CMIP: variants seen among roughly 807,000 people sequenced by gnomAD.
The protein encoded by CMIP is c-Maf inducing protein.
A neutral mutation model predicts 97.3 loss-of-function variants in CMIP; 13 were observed. That is an observed-to-expected ratio of 0.13 (90% CI 0.09 to 0.21). CMIP has a LOEUF of 0.21. Among genes scored for constraint, CMIP ranks in the 10% least tolerant of loss-of-function variants. The probability of loss-of-function intolerance (pLI) is 1.00; values close to 1 mark genes in which losing one functional copy is unlikely to be tolerated. For missense variants in CMIP, 847 were observed against 1,024.9 expected (o/e 0.83, Z 2.37); for synonymous variants, 538 against 436.3 (o/e 1.23, Z -2.91).
At chr16:81,703,823 C>G in intron 17 of CMIP, 116 bp from the exon 18 acceptor site, 2 of 1,384,946 alleles carry the variant, frequency 1.4e-6, no homozygotes, top group Non-Finnish European at 1.9e-6. Flanking sequence ...ATTTACCGCC[C>G]CCCAGGAACA....
rs757336182 is a variant in CMIP, at chr16:81,693,203, C to G, written c.1481+19C>G. ...TCACCAAGTGAGTGTCTGGGCACCG[C>G]CCTCATTCCATTCTGGCACGCACGG... On this transcript the variant is annotated intron_variant, in intron 12 of 20. Transcript: ENST00000537098. The G allele has an allele frequency of 1.9e-6, 3 of 1,608,890 alleles. No homozygotes were observed.
At chr16:81,508,595 A>C (rs2089753398) in intron 1 of CMIP, among the ~76,000 whole-genome samples, 1 of 152,232 alleles carries the variant, frequency 6.6e-6, no homozygotes. Context: ...ACAAATGCAA[A>C]AATGTCTCTG....
At chr16:81,505,025 G>T (rs145372242) in intron 1 of CMIP, among the ~76,000 whole-genome samples, 33 of 152,378 alleles carry the variant, frequency 2.2e-4, no homozygotes, top group Non-Finnish European at 4.7e-4. Context: ...GGGCAGCGCA[G>T]CTGCTCAACA....
At chr16:81,660,747 TTAA>T (rs1365278075) in intron 5 of CMIP, 134 bp from the exon 6 acceptor site, 3 of 936,070 alleles carry the variant, frequency 3.2e-6, no homozygotes. Flanking sequence ...TTTTCTGCTT[TTAA>T]TATGAATGAT....
At chr16:81,592,386 G>A (rs1192764167) in intron 1 of CMIP, among the ~76,000 whole-genome samples, 3 of 152,226 alleles carry the variant, frequency 2.0e-5, no homozygotes, top group African/African-American at 7.2e-5. Flanking sequence ...TGTTTCCTTG[G>A]CGGAGAATGC....
intron 1 of CMIP, among the ~76,000 whole-genome samples, chr16:81,568,193 G>A (rs113129097): frequency 3.3e-5 from 5 of 152,014 alleles, no homozygotes; most frequent in Non-Finnish European, 7.4e-5. Flanking sequence ...GAGGTCCTTC[G>A]GTTTGTCTTT....
At chr16:81,681,061 G>A (rs1194573111) in intron 10 of CMIP, among the ~76,000 whole-genome samples, 3 of 152,196 alleles carry the variant, frequency 2.0e-5, no homozygotes. Flanking sequence ...GGGGGTCAGG[G>A]CCATCGCCAA....
At chr16:81,448,687 C>G (rs541021827) in intron 1 of CMIP, among the ~76,000 whole-genome samples, 68 of 152,366 alleles carry the variant, frequency 4.5e-4, no homozygotes, top group African/African-American at 1.6e-3. Flanking sequence ...GCCGCCAGGT[C>G]TGATGCACCC....
intron 14 of CMIP, among the ~76,000 whole-genome samples, chr16:81,698,994 G>C (rs1224082813): frequency 6.6e-6 from 1 of 152,246 alleles, no homozygotes; most frequent in African/African-American, 2.4e-5. Flanking sequence ...GCTCACGCCT[G>C]TAATCCCAGC....
At chr16:81,509,195 G>A (rs1047443066) in intron 1 of CMIP, among the ~76,000 whole-genome samples, 19 of 152,200 alleles carry the variant, frequency 1.2e-4, no homozygotes, top group Non-Finnish European at 5.9e-5. Context: ...GACCTCCTGT[G>A]TCCTCAGCTG....
Position 81,705,584 on chromosome 16 carries a change from C to T in CMIP, c.2177C>T (p.Ala726Val), listed in dbSNP as rs1298468312. 1 of 1,603,594 alleles carries T rather than the reference C, an allele frequency of 6.2e-7. No homozygotes were observed. Among genetic ancestry groups the T allele is most frequent in the Non-Finnish European group, 8.5e-7 (1 of 1,176,396 alleles). The change falls in exon 19 of 21, where the codon GCT (alanine) becomes GTT (valine). Residue 726 changes from alanine (A) to valine (V), a missense_variant. By Grantham distance (64) the Ala-to-Val change is moderately conservative. Around this residue, in one of 4 missense-constraint regions of CMIP, gnomAD observed 266 missense variants for 384.2 expected, o/e 0.69. Transcript: ENST00000537098. Reference sequence around the variant, plus strand: ...CTGTGCGAGACCCCGGTCACAGACGCTGGCCTGCTGGCCCTGAGCTGTGAG... The same window carrying T: ...CTGTGCGAGACCCCGGTCACAGACGTTGGCCTGCTGGCCCTGAGCTGTGAG... ...LNLCETPVTD[A>V]GLLALSSMKS...
chr16:81,652,118 A>T lies in CMIP; in HGVS notation c.478-85A>T. 8.8e-7 allele frequency: 1 copy of T among 1,134,560 alleles called. No homozygotes were observed. The highest frequency in any genetic ancestry group is 1.3e-6 in the Non-Finnish European group (1 of 768,718). 70.3% of individuals were successfully genotyped at this position (1,134,560 alleles called of 1,614,324 possible). On this transcript the variant is annotated intron_variant, in intron 3 of 20. Transcript: ENST00000537098. This position sits in a 1 kb window ranked among gnomAD's most constrained non-coding sequence, Gnocchi z 5.2. ...GTTTCTCAGGGCCCTTTACACCCTAACCCATCTGATTCTTTGATTGTCTTC... is the reference window on the plus strand; with the variant it reads ...GTTTCTCAGGGCCCTTTACACCCTATCCCATCTGATTCTTTGATTGTCTTC...
chr16:81,557,345 T>C (rs544086035), intron 1 of CMIP, among the ~76,000 whole-genome samples: 157 of 117,868 alleles, frequency 1.3e-3, no homozygotes, highest in African/African-American at 5.8e-3. Flanking sequence ...TGGTTGAATT[T>C]ACTGATGTTG....
intron 1 of CMIP, among the ~76,000 whole-genome samples, chr16:81,480,583 A>C (rs2966081): frequency 0.77 from 116,657 of 152,174 alleles, 45,242 homozygotes; most frequent in African/African-American, 0.88. Context: ...GCCCTGACCC[A>C]TTCTGCTGCT....
chr16:81,598,125 T>A (rs969312595), intron 1 of CMIP, among the ~76,000 whole-genome samples: 1 of 152,114 alleles, frequency 6.6e-6, no homozygotes, highest in Admixed American at 6.5e-5. Flanking sequence ...GGAGGATGAA[T>A]GTGCTCGGGA....
intron 1 of CMIP, among the ~76,000 whole-genome samples, chr16:81,449,668 T>A (rs1906086310): frequency 3.0e-5 from 3 of 99,560 alleles, no homozygotes; most frequent in Admixed American, 8.8e-5. Flanking sequence ...ACACACAGAT[T>A]TCCCCCCCCC....
At chr16:81,594,036 T>TCCC (rs2091509021) in intron 1 of CMIP, among the ~76,000 whole-genome samples, 1 of 47,774 alleles carries the variant, frequency 2.1e-5, no homozygotes. Flanking sequence ...CTCCTCCTCC[T>TCCC]CCCCCTCCTT....
At chr16:81,469,661 C>G (rs896379045) in intron 1 of CMIP, among the ~76,000 whole-genome samples, 1 of 152,206 alleles carries the variant, frequency 6.6e-6, no homozygotes. Flanking sequence ...TTTGCCTGAA[C>G]TGTGGATTCA....
chr16:81,696,383 G>A (rs373586985), intron 13 of CMIP, 177 bp from the exon 14 acceptor site: 10 of 665,082 alleles, frequency 1.5e-5, no homozygotes, highest in Non-Finnish European at 2.4e-5. Flanking sequence ...GGTATTTCCC[G>A]AAAGACCTTT....
Sources: gnomAD v4.1 joint callset for allele counts (sites outside exome capture counted in the v4.1 genomes callset) on GRCh38, gnomAD v4.1.1 for gene constraint, gnomAD v4.1.1 regional missense constraint, Gnocchi (gnomAD v3.1) non-coding constraint, MANE v1.5 for transcripts, NCBI Gene and HGNC (gene_info 2026-07-23, HGNC 2026-07-21) for gene names.